The following PLCB1 variants were observed in gnomAD, a reference collection of about 807,000 sequenced individuals.
The protein encoded by PLCB1 is phospholipase C beta 1, also known as 1-phosphatidylinositol 4,5-bisphosphate phosphodiesterase beta-1.
PLCB1 carries 46 observed loss-of-function variants against 161.8 expected under a neutral mutation model. That is an observed-to-expected ratio of 0.28 (90% CI 0.22 to 0.36). PLCB1 has a LOEUF of 0.36. Among genes scored for constraint, PLCB1 ranks in the 10% least tolerant of loss-of-function variants. The pLI is 1.00. For synonymous variants in PLCB1, 517 were observed against 503.7 expected (o/e 1.03, Z -0.35); for missense variants, 1,016 against 1,472.5 (o/e 0.69, Z 5.07).
chr20:8,381,648 G>A (rs575864791), intron 3 of PLCB1, among the ~76,000 whole-genome samples: 3 of 152,202 alleles, frequency 2.0e-5, no homozygotes, highest in African/African-American at 7.2e-5. Context: ...TCATGGATTT[G>A]ACTTCTTCCT....
intron 24 of PLCB1, among the ~76,000 whole-genome samples, chr20:8,758,188 C>A (rs1381581217): frequency 6.7e-6 from 1 of 149,562 alleles, no homozygotes; most frequent in Non-Finnish European, 1.5e-5. Flanking sequence ...GCCAGTAGAT[C>A]CAGATCTTTT....
chr20:8,286,179 C>G (rs1416806882), intron 2 of PLCB1, among the ~76,000 whole-genome samples: 1 of 152,106 alleles, frequency 6.6e-6, no homozygotes, highest in Non-Finnish European at 1.5e-5. Flanking sequence ...CAAAGATTTG[C>G]CGGGCGTGGT....
intron 30 of PLCB1, 100 bp from the exon 31 acceptor site, chr20:8,790,075 C>A: frequency 1.3e-6 from 1 of 753,096 alleles, no homozygotes; most frequent in Non-Finnish European, 2.2e-6. Flanking sequence ...ATCAAATAAT[C>A]AAATGTAAGC....
chr20:8,392,186 A>G (rs1339695530), intron 3 of PLCB1, among the ~76,000 whole-genome samples: 1 of 152,004 alleles, frequency 6.6e-6, no homozygotes, highest in Non-Finnish European at 1.5e-5. Flanking sequence ...TCCCTCATGA[A>G]TGTGATTAAG....
chr20:8,632,392 A>G (rs1988628913), intron 4 of PLCB1, among the ~76,000 whole-genome samples: 1 of 152,174 alleles, frequency 6.6e-6, no homozygotes, highest in South Asian at 2.1e-4. Flanking sequence ...GCCTTCTGCA[A>G]TGTGCCAAGT....
At chr20:8,710,396 C>T (rs1169693283) in intron 12 of PLCB1, among the ~76,000 whole-genome samples, 3 of 151,332 alleles carry the variant, frequency 2.0e-5, no homozygotes, top group Admixed American at 6.6e-5. Context: ...CTTCCAACAT[C>T]GGGGGTTACA....
chr20:8,727,737 A>T (rs1450378281), intron 17 of PLCB1, among the ~76,000 whole-genome samples: 1 of 152,094 alleles, frequency 6.6e-6, no homozygotes, highest in Non-Finnish European at 1.5e-5. Context: ...GGTACAACAT[A>T]TGTAACATGA....
intron 3 of PLCB1, among the ~76,000 whole-genome samples, chr20:8,502,335 G>A (rs1163805847): frequency 6.6e-6 from 1 of 152,016 alleles, no homozygotes; most frequent in Non-Finnish European, 1.5e-5. Context: ...AATGATAAAG[G>A]TGGTATTAAT....
chr20:8,251,888 A>AT (rs896359674), intron 2 of PLCB1, among the ~76,000 whole-genome samples: 1 of 151,828 alleles, frequency 6.6e-6, no homozygotes, highest in East Asian at 2.0e-4. Context: ...GATGAAAGAT[A>AT]TTTTTTGCCA....
In PLCB1 at chr20:8,658,569, G is replaced by T. The variant is rs372097607; in HGVS notation, c.727G>T (p.Asp243Tyr). The T allele has an allele frequency of 1.9e-6, 3 of 1,611,304 alleles. No homozygotes were observed. Among genetic ancestry groups the T allele is most frequent in the Non-Finnish European group, 2.5e-6 (3 of 1,178,918 alleles). Residue 243 changes from aspartate to tyrosine, a missense_variant, in exon 9 of 32, where the codon GAT becomes TAT. Transcript: ENST00000338037. ...GAKSKPYLTVDQMMDFINLKQ... is the reference protein window; with the variant it reads ...GAKSKPYLTVYQMMDFINLKQ... ...AAAAAGCAAACCATATCTTACCGTT[G>T]ATCAGATGATGGATTTTATCAACCT...
rs41275586 is a variant in PLCB1, at chr20:8,741,412, G to A, written c.2414-52G>A. On this transcript the variant is annotated intron_variant, in intron 22 of 31. Coordinates refer to ENST00000338037, the MANE Select transcript of PLCB1 (RefSeq NM_015192.4). ...TAGATGAGTAAGTAGATGAATGATG[G>A]ATAATCAATACTTCCAGGACCTTTG... is the stretch of plus-strand genomic sequence containing the variant. The A allele has an allele frequency of 5.8e-3, 7,185 of 1,242,774 alleles. 25 individuals carry two copies. Among genetic ancestry groups the A allele is most frequent in the Non-Finnish European group, 7.4e-3 (6,264 of 849,082 alleles). The allele number at this position is 1,242,774 out of a possible 1,614,324, so 77.0% of individuals were successfully genotyped here. A position where few individuals can be genotyped will look rare whatever the true frequency, so the allele number is the denominator to read the frequency against.
intron 3 of PLCB1, among the ~76,000 whole-genome samples, chr20:8,426,903 A>G (rs1979805287): frequency 6.6e-6 from 1 of 152,202 alleles, no homozygotes. Context: ...CTCACATAAA[A>G]TGGAAGAAGA....
intron 2 of PLCB1, among the ~76,000 whole-genome samples, chr20:8,260,956 G>C (rs138843743): frequency 0.012 from 1,802 of 152,112 alleles, 38 homozygotes; most frequent in African/African-American, 0.042. Context: ...CATGGTCAGC[G>C]ACCGAAAAAT....
intron 3 of PLCB1, among the ~76,000 whole-genome samples, chr20:8,541,398 A>G (rs1276660279): frequency 3.9e-5 from 6 of 152,140 alleles, no homozygotes; most frequent in Non-Finnish European, 8.8e-5. Context: ...TGCAAAGAGG[A>G]GTTGTCAATC....
In PLCB1 at chr20:8,510,389, T is replaced by C. The variant is rs559903192; in HGVS notation, c.247-117905T>C. Among the ~76,000 whole-genome samples the C allele has an allele frequency of 2.4e-3, 353 of 149,188 alleles. 12 individuals carry two copies. In the South Asian group the frequency reaches 0.062, roughly 26 times the overall value. On this transcript the variant is annotated intron_variant, in intron 3 of 31. Transcript: ENST00000338037. Reference sequence around the variant, plus strand: ...ATCTTTTTCTTTTCTTTTTCTTTTTTTTTTTTTTTTTTTAAGATGGAGTTT... The same window carrying C: ...ATCTTTTTCTTTTCTTTTTCTTTTTCTTTTTTTTTTTTTAAGATGGAGTTT...
At chr20:8,280,096 G>A (rs1982799525) in intron 2 of PLCB1, among the ~76,000 whole-genome samples, 2 of 152,194 alleles carry the variant, frequency 1.3e-5, no homozygotes, top group African/African-American at 4.8e-5. Flanking sequence ...AACACTTTCA[G>A]AGGCTGAGGC....
chr20:8,169,224 A>G (rs746042584), intron 2 of PLCB1, among the ~76,000 whole-genome samples: 2 of 152,120 alleles, frequency 1.3e-5, no homozygotes, highest in Non-Finnish European at 2.9e-5. Flanking sequence ...GCTGTATGGA[A>G]GTTGTTCATG....
chr20:8,797,766 AAC>A (rs1422438915), intron 31 of PLCB1, among the ~76,000 whole-genome samples: 1 of 152,242 alleles, frequency 6.6e-6, no homozygotes. Flanking sequence ...TCAAAGGGTG[AAC>A]ACACAATTTC....
chr20:8,433,132 C>T (rs1355463510), intron 3 of PLCB1, among the ~76,000 whole-genome samples: 3 of 152,176 alleles, frequency 2.0e-5, no homozygotes, highest in African/African-American at 4.8e-5. Context: ...CAACAGGAAG[C>T]AAATTCCTTG....
Sources: allele counts gnomAD v4.1 joint callset (sites outside exome capture counted in the v4.1 genomes callset), GRCh38; gene constraint gnomAD v4.1.1; transcripts MANE v1.5; gene names NCBI Gene and HGNC (gene_info 2026-07-23, HGNC 2026-07-21).